DOCK2: variants seen among roughly 807,000 people sequenced by gnomAD.
DOCK2 encodes dedicator of cytokinesis protein 2.
Under a neutral mutation model 248.9 loss-of-function variants are expected in DOCK2, and 87 were observed. That is an observed-to-expected ratio of 0.35 (90% CI 0.29 to 0.42). DOCK2 has a LOEUF of 0.42. Ranked by LOEUF, DOCK2 falls within the 10% of genes least tolerant of loss-of-function variation. The probability of loss-of-function intolerance (pLI) is 1.00; values close to 1 mark genes in which losing one functional copy is unlikely to be tolerated. For missense variants in DOCK2, 1,747 were observed against 2,300.2 expected (o/e 0.76, Z 4.92); for synonymous variants, 805 against 821.6 (o/e 0.98, Z 0.35).
At chr5:169,749,515 T>G (rs1038747405) in intron 23 of DOCK2, among the ~76,000 whole-genome samples, 13 of 152,298 alleles carry the variant, frequency 8.5e-5, no homozygotes, top group African/African-American at 2.4e-4. Flanking sequence ...AGATATCTGT[T>G]GAATTAATTA....
At chr5:169,694,683 T>G (rs1760509492) in intron 9 of DOCK2, among the ~76,000 whole-genome samples, 1 of 152,118 alleles carries the variant, frequency 6.6e-6, no homozygotes, top group Non-Finnish European at 1.5e-5. Flanking sequence ...GTTTTGGCTT[T>G]TCTAGACTCA....
At chr5:170,018,586 C>T (rs925323365) in intron 32 of DOCK2, among the ~76,000 whole-genome samples, 2 of 152,216 alleles carry the variant, frequency 1.3e-5, no homozygotes, top group African/African-American at 2.4e-5. Flanking sequence ...CTCAGCAACA[C>T]GGCATGTATT....
intron 34 of DOCK2, among the ~76,000 whole-genome samples, chr5:170,031,188 T>G (rs145637392): frequency 1.1e-3 from 166 of 152,314 alleles, no homozygotes; most frequent in African/African-American, 3.9e-3. Flanking sequence ...GGTGAGGGAA[T>G]CGGAAGGTTG....
At chr5:170,031,161 C>T (rs184944718) in intron 34 of DOCK2, among the ~76,000 whole-genome samples, 21 of 152,272 alleles carry the variant, frequency 1.4e-4, no homozygotes, top group South Asian at 2.1e-4. Flanking sequence ...TTCATTCCTG[C>T]GAATAGTTCT....
At chr5:169,929,509 G>A (rs1450352946) in intron 27 of DOCK2, among the ~76,000 whole-genome samples, 1 of 152,098 alleles carries the variant, frequency 6.6e-6, no homozygotes, top group Non-Finnish European at 1.5e-5. Flanking sequence ...GGCTGAGGGG[G>A]GAGGATTGCT....
At chr5:169,723,602 A>G (rs985958818) in intron 22 of DOCK2, among the ~76,000 whole-genome samples, 3 of 152,134 alleles carry the variant, frequency 2.0e-5, no homozygotes, top group African/African-American at 7.2e-5. Flanking sequence ...TGCCAACCAC[A>G]CTGGACTTGC....
intron 27 of DOCK2, among the ~76,000 whole-genome samples, chr5:169,844,605 C>G (rs1444258660): frequency 6.6e-6 from 1 of 152,210 alleles, no homozygotes; most frequent in South Asian, 2.1e-4. Flanking sequence ...TTTTGTTTAC[C>G]CACATCCCCA....
Position 169,834,894 on chromosome 5 carries a change from ACT to A in DOCK2, c.2704-5860_2704-5859del, listed in dbSNP as rs535728160. Among the ~76,000 whole-genome samples the A allele has an allele frequency of 1.7e-3, 264 of 152,352 alleles. 9 individuals carry two copies. The South Asian group carries it at 0.051, about 30-fold the overall frequency. Reference sequence around the variant, plus strand: ...AAGCAAATCTACTTGGAGGACACAGACTCTGTGAGGCAAAGCAAACTTTAGAA... The same window carrying A: ...AAGCAAATCTACTTGGAGGACACAGACTGTGAGGCAAAGCAAACTTTAGAA... On this transcript the variant is annotated intron_variant, in intron 26 of 51. Transcript: ENST00000520908.
chr5:169,970,699 C>A (rs1474087173), intron 27 of DOCK2, among the ~76,000 whole-genome samples: 1 of 152,130 alleles, frequency 6.6e-6, no homozygotes, highest in Admixed American at 6.5e-5. Context: ...TCTGGCCCTG[C>A]CAGGGTGAAA....
intron 45 of DOCK2, among the ~76,000 whole-genome samples, chr5:170,067,915 G>A (rs949292908): frequency 1.2e-4 from 18 of 152,280 alleles, no homozygotes; most frequent in African/African-American, 3.9e-4. Context: ...GCAGGGAGGG[G>A]CAGGAAGGGG....
chr5:169,829,181 C>G (rs441425), intron 26 of DOCK2, among the ~76,000 whole-genome samples: 22,095 of 151,938 alleles, frequency 0.15, 2,364 homozygotes, highest in African/African-American at 0.3. Flanking sequence ...GAAACCATAT[C>G]TAGGATGGCT....
chr5:169,652,173 C>T (rs927741240), intron 1 of DOCK2, among the ~76,000 whole-genome samples: 2 of 152,210 alleles, frequency 1.3e-5, no homozygotes, highest in African/African-American at 4.8e-5. Context: ...CCTACAGTGC[C>T]TTTGTGTGGA....
rs367947055 is a variant in DOCK2 at position 169,931,390 on chromosome 5, G to A, written c.2800-51678G>A. Among the ~76,000 whole-genome samples, 39 of 152,236 alleles carry A rather than the reference G, an allele frequency of 2.6e-4. 1 individual carries two copies. The highest frequency in any genetic ancestry group is 2.1e-3 in the South Asian group (10 of 4,816). The stretch of plus-strand genomic sequence containing the variant: ...GCTTGCCTTGATATTGCCGCCTCTC[G>A]GCAATTGAACACTTCTCCCGTTCGC... On this transcript the variant is annotated intron_variant, in intron 27 of 51. Transcript: ENST00000520908.
intron 38 of DOCK2, among the ~76,000 whole-genome samples, chr5:170,043,114 T>C (rs985992634): frequency 6.6e-6 from 1 of 152,148 alleles, no homozygotes; most frequent in Non-Finnish European, 1.5e-5. Context: ...CTTCAGGAAG[T>C]ACCAGCCCCA....
In DOCK2 at chr5:169,684,203, A is replaced by G. The variant is rs766896264; in HGVS notation, c.614A>G (p.Asp205Gly). The G allele has an allele frequency of 2.5e-6, 4 of 1,613,958 alleles. No homozygotes were observed. The East Asian group carries it at 8.9e-5, about 36-fold the overall frequency. ...TERIKEEMSK[D>G]QPDYAMYSRI... The stretch of plus-strand genomic sequence containing the variant: ...CTTCCTTCTGCCTTTCAGTCAAAAG[A>G]CCAGCCAGATTATGCAATGTATTCC... Residue 205 changes from aspartate to glycine, a missense_variant, in exon 8 of 52, where the codon GAC becomes GGC. Around this residue, in one of 4 missense-constraint regions of DOCK2, gnomAD observed 375 missense variants for 510.9 expected, o/e 0.73. Transcript: ENST00000520908.
At chr5:169,939,417 G>A (rs1017235949) in intron 27 of DOCK2, among the ~76,000 whole-genome samples, 29 of 152,138 alleles carry the variant, frequency 1.9e-4, no homozygotes, top group African/African-American at 4.8e-4. Context: ...TGAAGGACCT[G>A]CCTGAGGCTG....
intron 27 of DOCK2, among the ~76,000 whole-genome samples, chr5:169,873,629 A>G (rs1462903703): frequency 1.3e-5 from 2 of 152,278 alleles, no homozygotes; most frequent in Non-Finnish European, 2.9e-5. Context: ...TGTCATAAGC[A>G]GATGAAAGGA....
chr5:169,891,748 GTCAAGGCAGGTGGATC>G lies in DOCK2; in HGVS notation c.2799+50897_2799+50912del, dbSNP rs369000674. Among the ~76,000 whole-genome samples the G allele has an allele frequency of 9.9e-3, 1,504 of 152,208 alleles. 23 individuals are homozygous for G. The highest frequency in any genetic ancestry group is 0.034 in the African/African-American group (1,428 of 41,532). ...ACCCATAATCCCAGCACTTTGGGAG[GTCAAGGCAGGTGGATC>G]ACAAGGTCAGGAGTTCAAGACCAGC... is the stretch of plus-strand genomic sequence containing the variant. On this transcript the variant is annotated intron_variant, in intron 27 of 51. Transcript: ENST00000520908.
intron 1 of DOCK2, among the ~76,000 whole-genome samples, chr5:169,641,650 GGCAACCCTGGAAACC>G: frequency 6.6e-6 from 1 of 152,288 alleles, no homozygotes; most frequent in East Asian, 1.9e-4. Flanking sequence ...CTTGAACTGA[GGCAACCCTGGAAACC>G]TCTGCCTCTC....
Sources: allele counts gnomAD v4.1 joint callset (sites outside exome capture counted in the v4.1 genomes callset), GRCh38; gene constraint gnomAD v4.1.1; regional missense constraint gnomAD v4.1.1; transcripts MANE v1.5; gene names NCBI Gene and HGNC (gene_info 2026-07-23, HGNC 2026-07-21).